AP4B1: variants seen among roughly 807,000 people sequenced by gnomAD.
AP4B1 encodes AP-4 complex subunit beta-1.
A neutral mutation model predicts 76.5 loss-of-function variants in AP4B1; 49 were observed. That is an observed-to-expected ratio of 0.64 (90% CI 0.51 to 0.81). The LOEUF (loss-of-function observed/expected upper bound fraction) is 0.81, where lower values mean the gene tolerates loss of function less well. Ranked by LOEUF, AP4B1 falls within the 40% of genes least tolerant of loss-of-function variation. The pLI is 0.00. For synonymous variants in AP4B1, 330 were observed against 333.3 expected (o/e 0.99, Z 0.11); for missense variants, 911 against 904.9 (o/e 1.01, Z -0.09).
chr1:113,895,405 G>C lies in AP4B1; in HGVS notation c.1880C>G (p.Thr627Ser). 1 of 1,614,232 alleles carries C rather than the reference G, an allele frequency of 6.2e-7. No homozygotes were observed. The highest frequency in any genetic ancestry group is 1.1e-5 in the South Asian group (1 of 91,086). Residue 627 changes from threonine to serine, a missense_variant, in exon 10 of 10, where the codon ACT becomes AGT. Coordinates refer to ENST00000369569, the MANE Select transcript of AP4B1 (RefSeq NM_001253852.3). ...CCAAGTTTTCTCAAAATAATCAGCAGTAAGCTGGCGATTGGGGACTAGCAT... is the reference window on the plus strand; with the variant it reads ...CCAAGTTTTCTCAAAATAATCAGCACTAAGCTGGCGATTGGGGACTAGCAT... ...ALMLVPNRQL[T>S]ADYFEKTWLS...
rs778029639 is a variant in AP4B1, at chr1:113,900,269, C to A, written c.749G>T (p.Gly250Val). The change falls in exon 5 of 10, where the codon GGT (glycine) becomes GTT (valine). Residue 250 changes from glycine (G) to valine (V), a missense_variant. Coordinates refer to ENST00000369569, the MANE Select transcript of AP4B1 (RefSeq NM_001253852.3). ...LDSFLKSSSP[G>V]VVMGATKLFL... ...AAGTTTGGTAGCTCCCATCACCACA[C>A]CTGGGCTACTGCTCTTGAGGAAACT... is the stretch of plus-strand genomic sequence containing the variant. 1 of 1,606,032 alleles carries A rather than the reference C, an allele frequency of 6.2e-7. No individual in the cohort carries two copies. Among genetic ancestry groups the A allele is most frequent in the South Asian group, 1.1e-5 (1 of 90,356 alleles).
Position 113,900,358 on chromosome 1 carries a change from G to C in AP4B1, c.660C>G (p.Asn220Lys). Residue 220 changes from asparagine to lysine, a missense_variant, in exon 5 of 10, where the codon AAC becomes AAG. Physicochemically the swap from Asn to Lys is moderately conservative, Grantham distance 94. Transcript: ENST00000369569. ...TGCGGGGTTGGTAGCGTAGCAGAAAGTTCAATACTTCAGCCTGGCCCCATT... is the reference window on the plus strand; with the variant it reads ...TGCGGGGTTGGTAGCGTAGCAGAAACTTCAATACTTCAGCCTGGCCCCATT... ...LDQWGQAEVL[N>K]FLLRYQPRSE... The C allele has an allele frequency of 6.2e-7, 1 of 1,611,966 alleles. No individual in the cohort carries two copies. Among genetic ancestry groups the C allele is most frequent in the South Asian group, 1.1e-5 (1 of 90,642 alleles).
chr1:113,900,535 G>T, intron 4 of AP4B1, 135 bp from the exon 5 acceptor site: 1 of 1,096,420 alleles, frequency 9.1e-7, no homozygotes, highest in Non-Finnish European at 1.3e-6. Context: ...CCATAATTAA[G>T]TCACTTTTCA....
At chr1:113,897,044 G>C (rs1273817602) in intron 7 of AP4B1, 1 of 154,432 alleles carries the variant, frequency 6.5e-6, no homozygotes, top group Non-Finnish European at 1.4e-5. Flanking sequence ...TCGGGAGCCT[G>C]AGGCAGGAGA....
rs112059103 is a variant in AP4B1 at position 113,902,151 on chromosome 1, T to C, written c.339-266A>G. ...AATTCCCGGGCCCAAGCCATCCTCC[T>C]GCCTCAGCCTTCCTAGTAGCTGAGA... is the stretch of plus-strand genomic sequence containing the variant. On this transcript the variant is annotated intron_variant, in intron 2 of 9. Transcript: ENST00000369569. 9.9e-4 allele frequency: 469 copies of C among 473,982 alleles called. 1 individual carries two copies. The highest frequency in any genetic ancestry group is 8.4e-3 in the African/African-American group (429 of 51,076). The allele number at this position is 473,982 out of a possible 1,614,324, so 29.4% of individuals were successfully genotyped here.
intron 6 of AP4B1, 84 bp downstream of exon 6, chr1:113,898,634 T>A (rs1667795174): frequency 9.7e-7 from 1 of 1,028,440 alleles, no homozygotes; most frequent in Admixed American, 1.7e-5. Flanking sequence ...ATATTACTCA[T>A]TCAACAACAA....
intron 3 of AP4B1, 98 bp from the exon 4 acceptor site, chr1:113,901,481 C>G (rs1553259355): frequency 1.4e-6 from 2 of 1,395,868 alleles, no homozygotes; most frequent in Non-Finnish European, 2.0e-6. Context: ...AGTTGAACTT[C>G]TCTGCTACAA....
rs751525549 is a variant in AP4B1 at position 113,895,378 on chromosome 1, A to G, written c.1907T>C (p.Leu636Pro). Residue 636 changes from leucine (L) to proline (P), a missense_variant, in exon 10 of 10, where the codon CTT becomes CCT. Transcript: ENST00000369569. ...TTGCTGATGAGCAACTTTAAGGCTA[A>G]GCCAAGTTTTCTCAAAATAATCAGC... ...LTADYFEKTW[L>P]SLKVAHQQVL... 3 of 1,614,228 alleles carry G rather than the reference A, an allele frequency of 1.9e-6. No homozygotes were observed. The highest frequency in any genetic ancestry group is 2.2e-5 in the South Asian group (2 of 91,090).
intron 4 of AP4B1, 32 bp downstream of exon 4, chr1:113,901,204 T>C (rs1210964067): frequency 6.2e-7 from 1 of 1,613,364 alleles, no homozygotes; most frequent in South Asian, 1.1e-5. Flanking sequence ...GTAGCAGATC[T>C]CATAATAAAA....
intron 6 of AP4B1, 60 bp downstream of exon 6, chr1:113,898,658 A>T: frequency 1.6e-6 from 2 of 1,248,616 alleles, no homozygotes; most frequent in South Asian, 1.2e-5. Flanking sequence ...TGTTTTGAGC[A>T]ACTACTATAG....
In AP4B1 at chr1:113,899,986, A is replaced by G. The variant is rs750009628; in HGVS notation, c.1032T>C (p.Asn344=). The G allele has an allele frequency of 1.9e-6, 3 of 1,614,212 alleles. No homozygotes were observed. The highest frequency in any genetic ancestry group is 2.2e-5 in the East Asian group (1 of 44,894). Reference sequence around the variant, plus strand: ...GAAGCTCCTCTAGCACCTGCTGCACATTCTCATCGTTCACCAGTTCACACA... The same window carrying G: ...GAAGCTCCTCTAGCACCTGCTGCACGTTCTCATCGTTCACCAGTTCACACA... ...EVLCELVNDE[N]VQQVLEELRG... is the part of the protein sequence containing the mutation. The change falls in exon 5 of 10, where the codon AAT becomes AAC. Residue 344 remains asparagine (N), a synonymous_variant. Coordinates refer to ENST00000369569, the MANE Select transcript of AP4B1 (RefSeq NM_001253852.3).
chr1:113,900,060 A>C lies in AP4B1; in HGVS notation c.958T>G (p.Cys320Gly). Residue 320 changes from cysteine (C) to glycine (G), a missense_variant, in exon 5 of 10, where the codon TGC (cysteine) becomes GGC (glycine). Cys to Gly is a radical substitution (Grantham distance 159, BLOSUM62 -3). Transcript: ENST00000369569. ...ATGTAGTGGGGCTCCGAGTAGGAGCAAAAAAACTTTTTGTAGTGGCTGCTA... is the reference window on the plus strand; with the variant it reads ...ATGTAGTGGGGCTCCGAGTAGGAGCCAAAAAACTTTTTGTAGTGGCTGCTA... ...HFSSHYKKFFCSYSEPHYIKL... is the reference protein window; with the variant it reads ...HFSSHYKKFFGSYSEPHYIKL... 1 of 1,614,194 alleles carries C rather than the reference A, an allele frequency of 6.2e-7. No homozygotes were observed. Among genetic ancestry groups the C allele is most frequent in the Non-Finnish European group, 8.5e-7 (1 of 1,180,038 alleles).
At position 113,900,665 on chromosome 1, in the gene AP4B1, A is replaced by G. The variant is rs572388417; in HGVS notation, c.618-265T>C. 116 of 500,552 alleles carry G rather than the reference A, an allele frequency of 2.3e-4. 1 individual carries two copies. In the South Asian group the frequency reaches 2.7e-3, roughly 12 times the overall value. 31.0% of individuals were successfully genotyped at this position (500,552 alleles called of 1,614,324 possible). A position where few individuals can be genotyped will look rare whatever the true frequency, so the allele number is the denominator to read the frequency against. On this transcript the variant is annotated intron_variant, in intron 4 of 9. Coordinates refer to ENST00000369569, the MANE Select transcript of AP4B1 (RefSeq NM_001253852.3). Reference sequence around the variant, plus strand: ...CATACACTGGGTCCAGGTTCCTTACATTTTAAGACACTATAAATGGCTTAG... The same window carrying G: ...CATACACTGGGTCCAGGTTCCTTACGTTTTAAGACACTATAAATGGCTTAG...
chr1:113,904,160 G>T (rs1317100688), intron 1 of AP4B1, among the ~76,000 whole-genome samples: 1 of 152,216 alleles, frequency 6.6e-6, no homozygotes, highest in East Asian at 1.9e-4. Context: ...TGAGAGATCA[G>T]GTGTCCTCAA....
At position 113,901,403 on chromosome 1, in the gene AP4B1, T is replaced by C. The variant is rs577971063; in HGVS notation, c.470-20A>G. On this transcript the variant is annotated intron_variant, in intron 3 of 9. Coordinates refer to ENST00000369569, the MANE Select transcript of AP4B1 (RefSeq NM_001253852.3). ...CACCATCTATAAAAAAGAACAAAGT[T>C]CTTAGATAAAGAAGGAAAGCTTCAG... The C allele has an allele frequency of 5.6e-6, 9 of 1,612,484 alleles. No individual in the cohort carries two copies. In the African/African-American group the frequency reaches 1.2e-4, roughly 22 times the overall value.
intron 7 of AP4B1, 63 bp from the exon 8 acceptor site, chr1:113,896,528 TA>T: frequency 6.5e-7 from 1 of 1,535,126 alleles, no homozygotes; most frequent in Non-Finnish European, 9.0e-7. Context: ...CAGGAGATAA[TA>T]GACAGCCACT....
chr1:113,898,009 ACAGTCATGTATT>A, intron 6 of AP4B1, 66 bp from the exon 7 acceptor site: 1 of 1,609,868 alleles, frequency 6.2e-7, no homozygotes, highest in Non-Finnish European at 8.5e-7. Context: ...AATCTTAAGA[ACAGTCATGTATT>A]CAGACTCATG....
At chr1:113,903,500 G>A (rs1668571312) in intron 1 of AP4B1, among the ~76,000 whole-genome samples, 1 of 152,238 alleles carries the variant, frequency 6.6e-6, no homozygotes, top group Non-Finnish European at 1.5e-5. Context: ...TAATGAGCCA[G>A]ATGAGAATAC....
Position 113,895,151 on chromosome 1 carries a change from G to GT in AP4B1, c.2133dup (p.Gln712ThrfsTer3). The GT allele has an allele frequency of 6.2e-7, 1 of 1,614,168 alleles. No individual in the cohort carries two copies. Among genetic ancestry groups the GT allele is most frequent in the Non-Finnish European group, 8.5e-7 (1 of 1,180,030 alleles). ...AGCGTCTCCGTTCTTGCTTCATTTT[G>GT]TTTCACAGAGATCTGCATTTCTGAG... On this transcript the variant is annotated frameshift_variant, in exon 10 of 10. Coordinates refer to ENST00000369569, the MANE Select transcript of AP4B1 (RefSeq NM_001253852.3). LOFTEE classifies it high-confidence loss of function.
Sources: allele counts gnomAD v4.1 joint callset (sites outside exome capture counted in the v4.1 genomes callset), GRCh38; gene constraint gnomAD v4.1.1; transcripts MANE v1.5; gene names NCBI Gene and HGNC (gene_info 2026-07-23, HGNC 2026-07-21).